Variants in SGPP2 observed in about 807,000 individuals in gnomAD.
The protein encoded by SGPP2 is sphingosine-1-phosphate phosphatase 2.
In SGPP2, 30 loss-of-function variants were observed where a neutral mutation model predicts 33.9. The observed-to-expected ratio is 0.89, with a 90% confidence interval of 0.66 to 1.20. The LOEUF is 1.20. Among genes scored for constraint, SGPP2 ranks in the 50% most tolerant of loss-of-function variants. SGPP2 has a pLI of 0.00. For missense variants in SGPP2, 458 were observed against 532.1 expected (o/e 0.86, Z 1.37); for synonymous variants, 233 against 225.0 (o/e 1.04, Z -0.32).
chr2:222,545,692 A>G (rs996499424), intron 4 of SGPP2, among the ~76,000 whole-genome samples: 2 of 152,110 alleles, frequency 1.3e-5, no homozygotes, highest in Non-Finnish European at 2.9e-5. Context: ...CCTCCCAAAT[A>G]CAATTGAAAA....
At chr2:222,525,888 A>T (rs1323368878) in intron 4 of SGPP2, among the ~76,000 whole-genome samples, 1 of 152,098 alleles carries the variant, frequency 6.6e-6, no homozygotes, top group Non-Finnish European at 1.5e-5. Context: ...TGGGTTTTTT[A>T]TGGGAAATGT....
At chr2:222,471,272 G>A (rs912421599) in intron 1 of SGPP2, among the ~76,000 whole-genome samples, 1 of 152,084 alleles carries the variant, frequency 6.6e-6, no homozygotes, top group East Asian at 1.9e-4. Flanking sequence ...TTCCCAGAGA[G>A]GAGTGTCAAC....
Position 222,502,864 on chromosome 2 carries a change from A to T in SGPP2, c.379-18903A>T, listed in dbSNP as rs551062994. On this transcript the variant is annotated intron_variant, in intron 2 of 4. Coordinates refer to ENST00000321276, the MANE Select transcript of SGPP2 (RefSeq NM_152386.4). ...GAAATGGCACCATTCCTGAGAGAAC[A>T]TTTACACCGTGTACGAAATTCTACC... is the stretch of plus-strand genomic sequence containing the variant. 2.6e-5 allele frequency among the ~76,000 whole-genome samples: 4 copies of T among 152,324 alleles called. No homozygotes were observed. The East Asian group carries it at 7.7e-4, about 29-fold the overall frequency.
intron 1 of SGPP2, chr2:222,452,509 G>A (rs1697507111): frequency 2.2e-6 from 2 of 914,422 alleles, no homozygotes; most frequent in Admixed American, 1.7e-5. Context: ...GCTTTCCCCA[G>A]CAGTTTCCAA....
intron 2 of SGPP2, among the ~76,000 whole-genome samples, chr2:222,490,620 T>TC (rs71053090): frequency 0.43 from 61,369 of 142,986 alleles, 14,049 homozygotes; most frequent in Admixed American, 0.61. Flanking sequence ...TTTTTTTTTT[T>TC]TTTTTGTAAA....
At chr2:222,487,880 G>T (rs751949302) in intron 2 of SGPP2, among the ~76,000 whole-genome samples, 5 of 152,062 alleles carry the variant, frequency 3.3e-5, no homozygotes, top group Admixed American at 2.0e-4. Context: ...GAAGAGTTCC[G>T]CTTGGCAACC....
chr2:222,439,954 G>A (rs1697300049), intron 1 of SGPP2, among the ~76,000 whole-genome samples: 1 of 152,122 alleles, frequency 6.6e-6, no homozygotes, highest in Admixed American at 6.5e-5. Context: ...AGGAAGTATT[G>A]GAAGGAAATG....
At chr2:222,499,092 A>T (rs972669609) in intron 2 of SGPP2, among the ~76,000 whole-genome samples, 1 of 152,250 alleles carries the variant, frequency 6.6e-6, no homozygotes, top group African/African-American at 2.4e-5. Context: ...ATCTGGTAAG[A>T]CATTTCATCA....
chr2:222,512,948 G>GT (rs1051093059), intron 2 of SGPP2, among the ~76,000 whole-genome samples: 2 of 152,292 alleles, frequency 1.3e-5, no homozygotes, highest in Non-Finnish European at 2.9e-5. Flanking sequence ...CCTTGCACAG[G>GT]TTTTTTGTGG....
At chr2:222,472,374 A>G (rs1399202435) in intron 1 of SGPP2, among the ~76,000 whole-genome samples, 2 of 152,034 alleles carry the variant, frequency 1.3e-5, no homozygotes, top group African/African-American at 4.8e-5. Flanking sequence ...TATTACTCCA[A>G]TCAGCCTCTG....
intron 2 of SGPP2, among the ~76,000 whole-genome samples, chr2:222,495,676 A>G (rs1698268866): frequency 6.6e-6 from 1 of 152,166 alleles, no homozygotes; most frequent in African/African-American, 2.4e-5. Context: ...CCTGTGGCTC[A>G]GATAAGACCC....
chr2:222,515,904 C>T (rs1208926022), intron 2 of SGPP2, among the ~76,000 whole-genome samples: 2 of 151,960 alleles, frequency 1.3e-5, no homozygotes, highest in African/African-American at 2.4e-5. Flanking sequence ...AAAAAGTATC[C>T]AGGTGTGGTA....
At chr2:222,535,401 G>A (rs1489728586) in intron 4 of SGPP2, among the ~76,000 whole-genome samples, 2 of 151,774 alleles carry the variant, frequency 1.3e-5, no homozygotes, top group Non-Finnish European at 2.9e-5. Context: ...AAGCCACAGT[G>A]GGGGCACTGT....
chr2:222,540,918 A>G lies in SGPP2; in HGVS notation c.648+15885A>G, dbSNP rs1167902787. On this transcript the variant is annotated intron_variant, in intron 4 of 4. Transcript: ENST00000321276. ...CTGCAGCCTCCACCTCCCAGGTTCC[A>G]GTGATTCTCCTGCCTCAGCCTCCCA... is the stretch of plus-strand genomic sequence containing the variant. Among the ~76,000 whole-genome samples, 8 of 142,570 alleles carry G rather than the reference A, an allele frequency of 5.6e-5. No homozygotes were observed. In the East Asian group the frequency reaches 1.6e-3, roughly 29 times the overall value. The allele number at this position is 142,570 out of a possible 152,430, so 93.5% of individuals were successfully genotyped here.
At chr2:222,484,743 G>A (rs540524235) in intron 2 of SGPP2, among the ~76,000 whole-genome samples, 10 of 152,242 alleles carry the variant, frequency 6.6e-5, no homozygotes, top group African/African-American at 2.2e-4. Flanking sequence ...GCCTGCAGGC[G>A]GATTGGTCCC....
intron 1 of SGPP2, chr2:222,452,259 C>T: frequency 8.7e-6 from 4 of 458,774 alleles, no homozygotes; most frequent in South Asian, 7.8e-5. Context: ...CACCCTCCAT[C>T]ATATTGACTG....
intron 1 of SGPP2, among the ~76,000 whole-genome samples, chr2:222,451,800 A>G (rs1697493242): frequency 6.6e-6 from 1 of 152,252 alleles, no homozygotes; most frequent in African/African-American, 2.4e-5. Flanking sequence ...GGTAGCAGAG[A>G]TACATGGAAA....
intron 4 of SGPP2, among the ~76,000 whole-genome samples, chr2:222,555,718 G>C (rs940241882): frequency 2.6e-5 from 4 of 152,160 alleles, no homozygotes; most frequent in Non-Finnish European, 4.4e-5. Context: ...AGAAAGAGGA[G>C]GATGTAAAGG....
At chr2:222,557,814 C>T (rs756650642) in intron 4 of SGPP2, among the ~76,000 whole-genome samples, 74 of 152,286 alleles carry the variant, frequency 4.9e-4, no homozygotes, top group Non-Finnish European at 6.3e-4. Context: ...TCAAGGCTGA[C>T]GCAGAAGAAC....
Sources: gnomAD v4.1 joint callset for allele counts (sites outside exome capture counted in the v4.1 genomes callset) on GRCh38, gnomAD v4.1.1 for gene constraint, MANE v1.5 for transcripts, NCBI Gene and HGNC (gene_info 2026-07-23, HGNC 2026-07-21) for gene names.